Variants in HSPB7 observed in about 807,000 individuals in gnomAD.
HSPB7 encodes the protein heat shock protein beta-7.
In HSPB7, 9 loss-of-function variants were observed where a neutral mutation model predicts 11.0. That is an observed-to-expected ratio of 0.82 (90% confidence interval 0.49 to 1.43). The LOEUF (loss-of-function observed/expected upper bound fraction) is 1.43, where lower values mean the gene tolerates loss of function less well. HSPB7 is among the 40% of genes most tolerant of loss of function. The pLI is 0.00. For missense variants in HSPB7, 246 were observed against 243.9 expected (o/e 1.01, Z -0.06); for synonymous variants, 102 against 101.6 (o/e 1.00, Z -0.02).
At chr1:16,018,605 G>T (rs771882747), upstream of HSPB7, 1 of 1,040,562 alleles carries the variant, frequency 9.6e-7, no homozygotes. Flanking sequence ...GCCCCCATGG[G>T]GACCTGGATT....
Position 16,017,071 on chromosome 1 carries a change from CA to C in HSPB7, c.333+2del. On this transcript the variant is annotated splice_donor_variant, in intron 2 of 2. Transcript: ENST00000311890. LOFTEE classifies it high-confidence loss of function. ...TGCGGTGAGTAGGGGGTGGGGGGCT[CA>C]CCTTCTCAGCCCGCACCTCGATGTG... is the stretch of plus-strand genomic sequence containing the variant. 1 of 1,604,170 alleles carries C rather than the reference CA, an allele frequency of 6.2e-7. No individual in the cohort carries two copies. Among genetic ancestry groups the C allele is most frequent in the Non-Finnish European group, 8.5e-7 (1 of 1,172,088 alleles).
chr1:16,017,677 C>G, intron 1 of HSPB7, 88 bp downstream of exon 1: 1 of 1,149,308 alleles, frequency 8.7e-7, no homozygotes, highest in East Asian at 2.6e-5. Context: ...TCCAGGCCGA[C>G]CGGCAGCCAC....
Position 16,015,556 on chromosome 1 carries a change from C to G in HSPB7, c.*24G>C, listed in dbSNP as rs1169167876. 2 of 1,611,160 alleles carry G rather than the reference C, an allele frequency of 1.2e-6. No individual in the cohort carries two copies. The highest frequency in any genetic ancestry group is 1.7e-6 in the Non-Finnish European group (2 of 1,177,916). On this transcript the variant is annotated 3_prime_UTR_variant, in exon 3 of 3. Transcript: ENST00000311890. This position sits in a 1 kb window ranked among gnomAD's most constrained non-coding sequence, Gnocchi z 4.9. ...TGCTGGCAGGCGTGGGGCGGGGGGA[C>G]AGGGAAAGGGAAGGGAGAGGCACTC...
At chr1:16,019,053 G>A, upstream of HSPB7, 3 of 1,270,014 alleles carry the variant, frequency 2.4e-6, no homozygotes, top group Non-Finnish European at 3.2e-6. Flanking sequence ...TTGAACATGT[G>A]CCTATGGAGA....
chr1:16,019,559 T>C, upstream of HSPB7: 2 of 1,345,578 alleles, frequency 1.5e-6, no homozygotes, highest in South Asian at 2.9e-5. Flanking sequence ...GAGCTCCTTC[T>C]ACAGGGGTAT....
intron 2 of HSPB7, among the ~76,000 whole-genome samples, chr1:16,016,549 C>T (rs1446197959): frequency 2.6e-5 from 4 of 152,176 alleles, no homozygotes; most frequent in African/African-American, 7.2e-5. Flanking sequence ...CCCGAAACTG[C>T]AGGGCCCCTG....
upstream of HSPB7, chr1:16,019,396 ACT>A (rs1043908684): frequency 3.3e-6 from 5 of 1,516,876 alleles, 1 homozygote; most frequent in East Asian, 4.9e-5. Flanking sequence ...GTGTGCTGTG[ACT>A]CTCTGCTGTG....
chr1:16,017,112 T>A lies in HSPB7; in HGVS notation c.295A>T (p.Thr99Ser). Residue 99 changes from threonine (T) to serine (S), a missense_variant, in exon 2 of 3, where the codon ACC (threonine) becomes TCC (serine). By Grantham distance (58) the Thr-to-Ser change is moderately conservative (BLOSUM62 1). Coordinates refer to ENST00000311890, the MANE Select transcript of HSPB7 (RefSeq NM_014424.5). The part of the protein sequence containing the change: ...RDFSPEDIIV[T>S]TSNNHIEVRA... ...ACCTCGATGTGGTTGTTGGAGGTGG[T>A]GACAATGATGTCTTCAGGTGAGAAG... 1 of 1,612,572 alleles carries A rather than the reference T, an allele frequency of 6.2e-7. No homozygotes were observed. Among genetic ancestry groups the A allele is most frequent in the South Asian group, 1.1e-5 (1 of 91,048 alleles).
At chr1:16,019,465 C>T (rs1291779944), upstream of HSPB7, 5 of 1,545,982 alleles carry the variant, frequency 3.2e-6, no homozygotes, top group African/African-American at 6.9e-5. Flanking sequence ...CACCTGTCTC[C>T]CCATTAGATT....
chr1:16,018,395 C>A (rs754743266), upstream of HSPB7: 1 of 1,180,544 alleles, frequency 8.5e-7, no homozygotes, highest in East Asian at 6.4e-5. Context: ...GACTGTGCCT[C>A]CCCTCCAGAC....
In HSPB7 at chr1:16,014,932, T is replaced by C. The variant is rs1460056419; in HGVS notation, c.*648A>G. On this transcript the variant is annotated 3_prime_UTR_variant, in exon 3 of 3. Transcript: ENST00000311890. ...TGCAGTTTATCACGAACCAGCTGTA[T>C]TGGAAAAACCCCATCTATATACAGA... 2.0e-5 allele frequency: 3 copies of C among 152,462 alleles called. No individual in the cohort carries two copies. The highest frequency in any genetic ancestry group is 7.2e-5 in the African/African-American group (3 of 41,434). 9.4% of individuals were successfully genotyped at this position (152,462 alleles called of 1,614,324 possible).
At position 16,014,385 on chromosome 1, in the gene HSPB7, T is replaced by G. The variant is rs1350722244; in HGVS notation, c.*1195A>C. On this transcript the variant is annotated 3_prime_UTR_variant, in exon 3 of 3. Transcript: ENST00000311890. ...CCCAGCTGGAAGACGTGGGGAGGGTTGCATAGCCTTAGAGAGGTAGAATGA... is the reference window on the plus strand; with the variant it reads ...CCCAGCTGGAAGACGTGGGGAGGGTGGCATAGCCTTAGAGAGGTAGAATGA... 1.3e-5 allele frequency: 2 copies of G among 151,932 alleles called. No individual in the cohort carries two copies. The highest frequency in any genetic ancestry group is 3.9e-4 in the East Asian group (2 of 5,158). The allele number at this position is 151,932 out of a possible 1,614,324, so 9.4% of individuals were successfully genotyped here.
chr1:16,017,864 G>C lies in HSPB7; in HGVS notation c.100C>G (p.Leu34Val). 1 of 1,613,990 alleles carries C rather than the reference G, an allele frequency of 6.2e-7. No individual in the cohort carries two copies. Among genetic ancestry groups the C allele is most frequent in the Non-Finnish European group, 8.5e-7 (1 of 1,179,920 alleles). The change falls in exon 1 of 3, where the codon CTC becomes GTC. Residue 34 changes from leucine (L) to valine (V), a missense_variant. Transcript: ENST00000311890. ...SSTSSSASRALPAQDPPMEKA... is the reference protein window; with the variant it reads ...SSTSSSASRAVPAQDPPMEKA... ...TCCATGGGCGGGTCCTGGGCCGGGAGAGCACGGGAGGCCGAGGAGGAGGTG... is the reference window on the plus strand; with the variant it reads ...TCCATGGGCGGGTCCTGGGCCGGGACAGCACGGGAGGCCGAGGAGGAGGTG...
At position 16,017,103 on chromosome 1, in the gene HSPB7, T is replaced by C; in HGVS notation, c.304A>G (p.Asn102Asp). 6.2e-7 allele frequency: 1 copy of C among 1,612,008 alleles called. No individual in the cohort carries two copies. The highest frequency in any genetic ancestry group is 8.5e-7 in the Non-Finnish European group (1 of 1,178,528). ...SPEDIIVTTSNNHIEVRAEKL... is the reference protein window; with the variant it reads ...SPEDIIVTTSDNHIEVRAEKL... ...TCAGCCCGCACCTCGATGTGGTTGT[T>C]GGAGGTGGTGACAATGATGTCTTCA... Residue 102 changes from asparagine to aspartate, a missense_variant, in exon 2 of 3, where the codon AAC becomes GAC. Transcript: ENST00000311890.
In HSPB7 at chr1:16,017,984, T is replaced by A. The variant is rs780865365; in HGVS notation, c.-21A>T. ...CTCATCCACGGACGGCGCCGGGCCC[T>A]GCCCAGGCGGGCGAGGGCTGGACAG... On this transcript the variant is annotated 5_prime_UTR_variant, in exon 1 of 3. Transcript: ENST00000311890. 7 of 1,612,548 alleles carry A rather than the reference T, an allele frequency of 4.3e-6. No individual in the cohort carries two copies. In the South Asian group the frequency reaches 7.7e-5, roughly 18 times the overall value.
At chr1:16,016,999 T>G in intron 2 of HSPB7, 75 bp downstream of exon 2, 2 of 1,444,950 alleles carry the variant, frequency 1.4e-6, no homozygotes, top group Non-Finnish European at 1.9e-6. Flanking sequence ...GGTCCCAGGA[T>G]GGTAAGGGGG....
Position 16,015,468 on chromosome 1 carries a change from G to C in HSPB7, c.*112C>G, listed in dbSNP as rs2021631775. On this transcript the variant is annotated 3_prime_UTR_variant, in exon 3 of 3. Transcript: ENST00000311890. The surrounding 1 kb of genome is among the most constrained non-coding windows in gnomAD (Gnocchi z 4.9). ...GGATGGTCCACCTGGGGTCTGGGGT[G>C]CGTGGGGGCTAGAACCTGGGCTGAG... 2 of 1,021,956 alleles carry C rather than the reference G, an allele frequency of 2.0e-6. No homozygotes were observed. Among genetic ancestry groups the C allele is most frequent in the Admixed American group, 4.2e-5 (2 of 47,956 alleles). 63.3% of individuals were successfully genotyped at this position (1,021,956 alleles called of 1,614,324 possible). A position where few individuals can be genotyped will look rare whatever the true frequency, so the allele number is the denominator to read the frequency against.
intron 1 of HSPB7, chr1:16,017,478 C>T (rs1365618088): frequency 1.7e-6 from 1 of 589,254 alleles, no homozygotes; most frequent in Admixed American, 3.2e-5. Flanking sequence ...CACCGCTCAC[C>T]CATCCAGCCC....
chr1:16,018,135 T>C, upstream of HSPB7: 1 of 1,544,502 alleles, frequency 6.5e-7, no homozygotes, highest in South Asian at 1.2e-5. Flanking sequence ...GGCCTCTCCA[T>C]GGCCCAGAGG....
Sources: gnomAD v4.1 joint callset for allele counts (sites outside exome capture counted in the v4.1 genomes callset) on GRCh38, gnomAD v4.1.1 for gene constraint, Gnocchi (gnomAD v3.1) non-coding constraint, MANE v1.5 for transcripts, NCBI Gene and HGNC (gene_info 2026-07-23, HGNC 2026-07-21) for gene names.